The following SGCZ variants were observed in gnomAD, a reference collection of about 807,000 sequenced individuals.
SGCZ encodes the protein sarcoglycan zeta, also known as zeta-sarcoglycan.
Under a neutral mutation model 41.3 loss-of-function variants are expected in SGCZ, and 40 were observed. That is an observed-to-expected ratio of 0.97 (90% confidence interval 0.75 to 1.26). The LOEUF (loss-of-function observed/expected upper bound fraction) is 1.26. SGCZ is among the 50% of genes most tolerant of loss of function. SGCZ has a pLI of 0.00. For synonymous variants in SGCZ, 206 were observed against 137.5 expected (o/e 1.50, Z -3.49); for missense variants, 552 against 369.8 (o/e 1.49, Z -4.04).
intron 1 of SGCZ, among the ~76,000 whole-genome samples, chr8:14,822,284 G>A (rs1802126306): frequency 6.6e-6 from 1 of 151,992 alleles, no homozygotes; most frequent in African/African-American, 2.4e-5. Flanking sequence ...TATCCAAGGA[G>A]GTGAAAGATG....
chr8:14,196,968 T>C (rs1216776235), intron 4 of SGCZ, among the ~76,000 whole-genome samples: 4 of 151,990 alleles, frequency 2.6e-5, no homozygotes, highest in African/African-American at 7.2e-5. Context: ...GACAGGAAAA[T>C]GACTGCAAAT....
chr8:14,665,394 T>C (rs1807878326), intron 1 of SGCZ, among the ~76,000 whole-genome samples: 1 of 152,220 alleles, frequency 6.6e-6, no homozygotes, highest in Non-Finnish European at 1.5e-5. Context: ...TGCCACATCG[T>C]CTTAATCCAG....
chr8:14,419,363 T>C (rs1799579082), intron 2 of SGCZ, among the ~76,000 whole-genome samples: 1 of 151,940 alleles, frequency 6.6e-6, no homozygotes, highest in South Asian at 2.1e-4. Context: ...ACGTCTTTCC[T>C]CACTTAGCAT....
intron 2 of SGCZ, among the ~76,000 whole-genome samples, chr8:14,423,840 C>G (rs1373237943): frequency 1.3e-5 from 2 of 151,964 alleles, no homozygotes; most frequent in African/African-American, 2.4e-5. Flanking sequence ...CTCATTTTTC[C>G]CCCTTCCTTC....
rs75506949 is a variant in SGCZ at position 14,820,828 on chromosome 8, A to C, written c.40-265902T>G. Among the ~76,000 whole-genome samples, 809 of 151,894 alleles carry C rather than the reference A, an allele frequency of 5.3e-3. 10 individuals carry two copies. Among genetic ancestry groups the C allele is most frequent in the African/African-American group, 0.018 (747 of 41,502 alleles). ...ACAACAAAACCTATGGAACATAGCAAAAGCATTCCTAAGAGGGAGGTTAGC... is the reference window on the plus strand; with the variant it reads ...ACAACAAAACCTATGGAACATAGCACAAGCATTCCTAAGAGGGAGGTTAGC... On this transcript the variant is annotated intron_variant, in intron 1 of 7. Transcript: ENST00000382080.
chr8:14,285,607 G>T (rs779768263), intron 3 of SGCZ, among the ~76,000 whole-genome samples: 1 of 151,940 alleles, frequency 6.6e-6, no homozygotes, highest in South Asian at 2.1e-4. Flanking sequence ...AATGATTCTT[G>T]CCATTAGAGA....
At chr8:14,190,804 G>A (rs1805077346) in intron 4 of SGCZ, among the ~76,000 whole-genome samples, 1 of 151,890 alleles carries the variant, frequency 6.6e-6, no homozygotes, top group Non-Finnish European at 1.5e-5. Flanking sequence ...GCGTTTCACT[G>A]TGTTAGCCAG....
chr8:14,724,699 A>G (rs1158210085), intron 1 of SGCZ, among the ~76,000 whole-genome samples: 2 of 151,520 alleles, frequency 1.3e-5, no homozygotes, highest in South Asian at 2.1e-4. Flanking sequence ...ATATATATAT[A>G]TGCATATTTA....
At chr8:14,187,816 A>G (rs1804954973) in intron 4 of SGCZ, among the ~76,000 whole-genome samples, 1 of 152,166 alleles carries the variant, frequency 6.6e-6, no homozygotes, top group South Asian at 2.1e-4. Context: ...TTGAAAAACA[A>G]TAAAGTACAC....
intron 1 of SGCZ, among the ~76,000 whole-genome samples, chr8:15,182,382 G>A (rs268362): frequency 0.5 from 76,531 of 151,864 alleles, 20,118 homozygotes; most frequent in Non-Finnish European, 0.58. Context: ...AACAACATAG[G>A]GTATACTTAA....
chr8:14,997,859 C>G (rs1246367012), intron 1 of SGCZ, among the ~76,000 whole-genome samples: 2 of 152,042 alleles, frequency 1.3e-5, no homozygotes, highest in African/African-American at 4.8e-5. Flanking sequence ...ACTCAGGAGG[C>G]TGAGACAGGA....
At chr8:14,350,123 G>A (rs976854115) in intron 2 of SGCZ, among the ~76,000 whole-genome samples, 27 of 152,052 alleles carry the variant, frequency 1.8e-4, no homozygotes, top group African/African-American at 4.1e-4. Flanking sequence ...GAAGGTGAAC[G>A]ATAGAGAAAG....
intron 4 of SGCZ, among the ~76,000 whole-genome samples, chr8:14,226,240 A>G (rs1422038950): frequency 3.9e-5 from 6 of 152,084 alleles, no homozygotes. Context: ...AAAAACTTAA[A>G]AAGTATTTCA....
chr8:14,757,109 C>T (rs937381404), intron 1 of SGCZ, among the ~76,000 whole-genome samples: 3 of 152,120 alleles, frequency 2.0e-5, no homozygotes, highest in African/African-American at 7.2e-5. Flanking sequence ...AGTGCAATGG[C>T]ACGATCTCAG....
intron 2 of SGCZ, among the ~76,000 whole-genome samples, chr8:14,538,202 T>C (rs1033947280): frequency 1.1e-4 from 16 of 151,998 alleles, no homozygotes; most frequent in African/African-American, 3.9e-4. Flanking sequence ...TTGTATTTGC[T>C]ATTTTAACTT....
chr8:14,610,341 T>C (rs1257925939), intron 1 of SGCZ, among the ~76,000 whole-genome samples: 1 of 152,170 alleles, frequency 6.6e-6, no homozygotes, highest in Non-Finnish European at 1.5e-5. Flanking sequence ...GACAAATGAA[T>C]CATTCTTTGA....
intron 1 of SGCZ, among the ~76,000 whole-genome samples, chr8:15,047,847 G>A (rs894744844): frequency 6.6e-6 from 1 of 151,990 alleles, no homozygotes; most frequent in Non-Finnish European, 1.5e-5. Flanking sequence ...AGATACTGGT[G>A]AAGATGTGGA....
intron 1 of SGCZ, among the ~76,000 whole-genome samples, chr8:14,811,332 A>G (rs1156377749): frequency 6.6e-6 from 1 of 151,870 alleles, no homozygotes; most frequent in Non-Finnish European, 1.5e-5. Flanking sequence ...AAACCCACCT[A>G]TAAACTTTAT....
chr8:14,483,054 C>A (rs2117009130), intron 2 of SGCZ, among the ~76,000 whole-genome samples: 1 of 152,194 alleles, frequency 6.6e-6, no homozygotes, highest in Admixed American at 6.5e-5. Context: ...ACATACAACA[C>A]AATTTCTCTC....
Sources: allele counts gnomAD v4.1 joint callset (sites outside exome capture counted in the v4.1 genomes callset), GRCh38; gene constraint gnomAD v4.1.1; transcripts MANE v1.5; gene names NCBI Gene and HGNC (gene_info 2026-07-23, HGNC 2026-07-21).